Variants in DEPDC5 observed in about 807,000 individuals in gnomAD.
DEPDC5 encodes the protein GATOR1 complex protein DEPDC5.
DEPDC5 carries 73 observed loss-of-function variants against 217.3 expected under a neutral mutation model. The observed-to-expected ratio is 0.34, with a 90% CI of 0.28 to 0.41. The LOEUF (loss-of-function observed/expected upper bound fraction) is 0.41, where lower values mean the gene tolerates loss of function less well. Ranked by LOEUF, DEPDC5 falls within the 10% of genes least tolerant of loss-of-function variation. The probability of loss-of-function intolerance (pLI) is 1.00; values close to 1 mark genes in which losing one functional copy is unlikely to be tolerated. For missense variants in DEPDC5, 1,675 were observed against 2,070.1 expected, an observed-to-expected ratio of 0.81 and a Z score of 3.70; for synonymous variants, 733 against 756.7, an observed-to-expected ratio of 0.97 and a Z score of 0.51.
At chr22:31,842,171 G>A (rs1024941802) in intron 27 of DEPDC5, among the ~76,000 whole-genome samples, 19 of 152,230 alleles carry the variant, frequency 1.2e-4, no homozygotes, top group African/African-American at 4.6e-4. Context: ...ATACAAGGTA[G>A]GATTCAGACT....
At chr22:31,797,564 T>C in intron 12 of DEPDC5, 36 bp from the exon 13 acceptor site, 1 of 1,552,016 alleles carries the variant, frequency 6.4e-7, no homozygotes, top group Non-Finnish European at 8.9e-7. Flanking sequence ...CCATATCAGC[T>C]GCTCAATATC....
rs575691692 is a variant in DEPDC5, at chr22:31,837,764, C to T, written c.2354+609C>T. On this transcript the variant is annotated intron_variant, in intron 26 of 42. Transcript: ENST00000651528. ...TCCCCCAGGCTGGAGTGCAGTGGTG[C>T]AGTCTCATCTCACTGCAACCTCTAC... Among the ~76,000 whole-genome samples the T allele has an allele frequency of 3.3e-5, 5 of 152,034 alleles. No homozygotes were observed. In the South Asian group the frequency reaches 1.0e-3, roughly 32 times the overall value.
chr22:31,879,101 TATATAC>T, intron 37 of DEPDC5, among the ~76,000 whole-genome samples: 1 of 132,110 alleles, frequency 7.6e-6, no homozygotes, highest in African/African-American at 3.3e-5. Context: ...TATACACATA[TATATAC>T]ATATATATAC....
intron 8 of DEPDC5, among the ~76,000 whole-genome samples, chr22:31,778,648 TCAAA>T (rs1311766039): frequency 6.6e-6 from 1 of 152,204 alleles, no homozygotes; most frequent in East Asian, 1.9e-4. Flanking sequence ...CTGTTTAATG[TCAAA>T]CAGAGAGCTA....
chr22:31,840,094 T>C (rs2091298401), intron 27 of DEPDC5, among the ~76,000 whole-genome samples: 1 of 152,214 alleles, frequency 6.6e-6, no homozygotes, highest in Admixed American at 6.5e-5. Context: ...AAAATAACAT[T>C]AGTCAAACTA....
chr22:31,778,186 CT>C lies in DEPDC5; in HGVS notation c.483+24del. On this transcript the variant is annotated intron_variant, in intron 8 of 42. Transcript: ENST00000651528. ...ATACCAGGGTAAGATTTATAAAATG[CT>C]TTTTTGGTTTTATCTCTCCATACTA... The C allele has an allele frequency of 1.2e-6, 2 of 1,612,806 alleles. No homozygotes were observed. The highest frequency in any genetic ancestry group is 1.1e-5 in the South Asian group (1 of 91,046).
At position 31,845,211 on chromosome 22, in the gene DEPDC5, C is replaced by T. The variant is rs375050296; in HGVS notation, c.2995C>T (p.Arg999Trp). 1.3e-5 allele frequency: 21 copies of T among 1,613,964 alleles called. No individual in the cohort carries two copies. The highest frequency in any genetic ancestry group is 2.2e-5 in the East Asian group (1 of 44,884). Residue 999 changes from arginine to tryptophan, a missense_variant, in exon 30 of 43, where the codon CGG (arginine) becomes TGG (tryptophan). Physicochemically the swap from Arg to Trp is moderately radical, Grantham distance 101. This residue lies in a region of DEPDC5 where 293 missense variants were observed against 386.1 expected (regional missense o/e 0.76). Coordinates refer to ENST00000651528, the MANE Select transcript of DEPDC5 (RefSeq NM_001242896.3). ...FVEGLNRIRR[R>W]HRSDRMMRKG... ...GGAGGGCTTGAATCGCATTCGCAGG[C>T]GGCATCGCTCGGATCGCATGATGCG...
At chr22:31,770,944 G>T (rs929973998) in intron 7 of DEPDC5, among the ~76,000 whole-genome samples, 1 of 150,674 alleles carries the variant, frequency 6.6e-6, no homozygotes, top group Non-Finnish European at 1.5e-5. Context: ...CACCATGCCC[G>T]GCTAATTTTT....
intron 20 of DEPDC5, among the ~76,000 whole-genome samples, chr22:31,811,358 C>T (rs2088306645): frequency 6.6e-6 from 1 of 152,118 alleles, no homozygotes; most frequent in Non-Finnish European, 1.5e-5. Context: ...GTGTGAGCCA[C>T]CATGCCTGGC....
chr22:31,896,745 C>A (rs1237073037), intron 39 of DEPDC5, among the ~76,000 whole-genome samples: 3 of 152,152 alleles, frequency 2.0e-5, no homozygotes, highest in Non-Finnish European at 2.9e-5. Context: ...CCACTGTGGT[C>A]ATTTCCCCTC....
chr22:31,867,108 T>G (rs528943276), intron 33 of DEPDC5, among the ~76,000 whole-genome samples: 124 of 152,310 alleles, frequency 8.1e-4, no homozygotes, highest in Non-Finnish European at 1.6e-3. Context: ...ATGAAAGGCA[T>G]CTCCCTTTAC....
In DEPDC5 at chr22:31,764,769, T is replaced by G. The variant is rs187689744; in HGVS notation, c.194-206T>G. On this transcript the variant is annotated intron_variant, in intron 4 of 42. Coordinates refer to ENST00000651528, the MANE Select transcript of DEPDC5 (RefSeq NM_001242896.3). ...TCCCTTCTCCCTTTTTCTCTCCATT[T>G]TTGTTGATTGCTTAGGCTCTGGTCT... is the stretch of plus-strand genomic sequence containing the variant. Among the ~76,000 whole-genome samples, 69 of 152,278 alleles carry G rather than the reference T, an allele frequency of 4.5e-4. No individual in the cohort carries two copies. In the East Asian group the frequency reaches 0.01, roughly 22 times the overall value.
At chr22:31,762,115 C>G (rs940825636) in intron 4 of DEPDC5, among the ~76,000 whole-genome samples, 1 of 152,030 alleles carries the variant, frequency 6.6e-6, no homozygotes, top group African/African-American at 2.4e-5. Flanking sequence ...CATTTTTTCA[C>G]AAACTATTTG....
intron 31 of DEPDC5, among the ~76,000 whole-genome samples, chr22:31,850,829 G>C (rs1337222094): frequency 6.6e-6 from 1 of 152,206 alleles, no homozygotes; most frequent in African/African-American, 2.4e-5. Context: ...CCAGCACTTT[G>C]GGAGGCTGAG....
Position 31,842,989 on chromosome 22 carries a change from A to G in DEPDC5, c.2516-106A>G, listed in dbSNP as rs16989543. Reference sequence around the variant, plus strand: ...AACTTTCTTCCATGAAACTGCCCCTAAGAGAAAGTGTTACATTGTTTTCTG... The same window carrying G: ...AACTTTCTTCCATGAAACTGCCCCTGAGAGAAAGTGTTACATTGTTTTCTG... On this transcript the variant is annotated intron_variant, in intron 27 of 42. Coordinates refer to ENST00000651528, the MANE Select transcript of DEPDC5 (RefSeq NM_001242896.3). The G allele has an allele frequency of 0.024, 19,179 of 799,454 alleles. 368 individuals are homozygous for G. The highest frequency in any genetic ancestry group is 0.08 in the African/African-American group (4,523 of 56,356). The allele number at this position is 799,454 out of a possible 1,614,324, so 49.5% of individuals were successfully genotyped here.
chr22:31,878,625 A>G (rs1287607059), intron 37 of DEPDC5, among the ~76,000 whole-genome samples: 1 of 151,870 alleles, frequency 6.6e-6, no homozygotes, highest in African/African-American at 2.4e-5. Flanking sequence ...AAATGGGAGG[A>G]TTGCTTGAGC....
At chr22:31,762,720 G>A (rs1405187741) in intron 4 of DEPDC5, among the ~76,000 whole-genome samples, 1 of 152,088 alleles carries the variant, frequency 6.6e-6, no homozygotes, top group Non-Finnish European at 1.5e-5. Flanking sequence ...CTGAGATCAC[G>A]CCATTGCACT....
chr22:31,765,004 C>G lies in DEPDC5; in HGVS notation c.223C>G (p.Gln75Glu). The G allele has an allele frequency of 6.2e-7, 1 of 1,614,108 alleles. No homozygotes were observed. The highest frequency in any genetic ancestry group is 8.5e-7 in the Non-Finnish European group (1 of 1,179,958). ...TATCAGTGTGGACCAGACTGTGACT[C>G]AAGTGTTCCGGCTGAGACCTTATCA... is the stretch of plus-strand genomic sequence containing the variant. The part of the protein sequence containing the change: ...ETISVDQTVT[Q>E]VFRLRPYQDV... Residue 75 changes from glutamine (Q) to glutamate (E), a missense_variant, in exon 5 of 43, where the codon CAA becomes GAA. This residue lies in a region of DEPDC5 where 628 missense variants were observed against 762.1 expected (regional missense o/e 0.82). Transcript: ENST00000651528.
At chr22:31,840,311 C>T (rs2091313934) in intron 27 of DEPDC5, among the ~76,000 whole-genome samples, 1 of 152,140 alleles carries the variant, frequency 6.6e-6, no homozygotes, top group Admixed American at 6.6e-5. Context: ...AAGGGCATAA[C>T]AGGCAGAGGC....
Sources: gnomAD v4.1 joint callset for allele counts (sites outside exome capture counted in the v4.1 genomes callset) on GRCh38, gnomAD v4.1.1 for gene constraint, gnomAD v4.1.1 regional missense constraint, MANE v1.5 for transcripts, NCBI Gene and HGNC (gene_info 2026-07-23, HGNC 2026-07-21) for gene names.